The following PRORP variants were observed in gnomAD, a reference collection of about 807,000 sequenced individuals.
The protein encoded by PRORP is mitochondrial ribonuclease P catalytic subunit.
PRORP carries 51 observed loss-of-function variants against 59.4 expected under a neutral mutation model. That is an observed-to-expected ratio of 0.86 (90% confidence interval 0.69 to 1.08). The LOEUF (loss-of-function observed/expected upper bound fraction) is 1.08, where lower values mean the gene tolerates loss of function less well. Among genes scored for constraint, PRORP ranks in the 50% least tolerant of loss-of-function variants. The pLI, the probability that PRORP is intolerant of heterozygous loss-of-function variation, is 0.00. For missense variants in PRORP, 646 were observed against 690.3 expected (o/e 0.94, Z 0.72); for synonymous variants, 231 against 245.6 (o/e 0.94, Z 0.55).
rs942255341 is a variant in PRORP, at chr14:35,181,269, C to T, written c.1275+492C>T. On this transcript the variant is annotated intron_variant, in intron 5 of 7. Transcript: ENST00000534898. ...CATTTGTTAATTTATAAATGCCCTA[C>T]TAGTTTCTAATAAGACTATCATTTT... Among the ~76,000 whole-genome samples, 18 of 152,080 alleles carry T rather than the reference C, an allele frequency of 1.2e-4. 1 individual carries two copies. The highest frequency in any genetic ancestry group is 3.4e-3 in the Middle Eastern group (1 of 294).
intron 4 of PRORP, among the ~76,000 whole-genome samples, chr14:35,140,998 C>CA (rs2047468513): frequency 1.4e-5 from 2 of 145,750 alleles, no homozygotes; most frequent in African/African-American, 4.9e-5. Flanking sequence ...AAATATTAAA[C>CA]TGAAAGATAT....
At chr14:35,152,067 G>A (rs888147403) in intron 4 of PRORP, among the ~76,000 whole-genome samples, 8 of 152,096 alleles carry the variant, frequency 5.3e-5, no homozygotes, top group African/African-American at 1.9e-4. Context: ...TTCCTAGGCA[G>A]AGGACCCTGC....
chr14:35,258,246 C>T (rs1252013936), intron 5 of PRORP, among the ~76,000 whole-genome samples: 1 of 152,104 alleles, frequency 6.6e-6, no homozygotes, highest in Non-Finnish European at 1.5e-5. Flanking sequence ...CCCACCTCAG[C>T]CTCTCAAAGC....
intron 5 of PRORP, among the ~76,000 whole-genome samples, chr14:35,195,532 A>G (rs1239799429): frequency 1.3e-5 from 2 of 152,156 alleles, no homozygotes; most frequent in Admixed American, 1.3e-4. Flanking sequence ...CTTCCTTTAT[A>G]TAGTTATGTA....
At chr14:35,228,914 A>C (rs143906976) in intron 5 of PRORP, among the ~76,000 whole-genome samples, 18 of 152,320 alleles carry the variant, frequency 1.2e-4, no homozygotes, top group African/African-American at 3.8e-4. Flanking sequence ...TATTCCCACC[A>C]ACAGTGTATG....
chr14:35,247,232 T>C (rs1467901238), intron 5 of PRORP, among the ~76,000 whole-genome samples: 1 of 152,190 alleles, frequency 6.6e-6, no homozygotes, highest in Non-Finnish European at 1.5e-5. Flanking sequence ...TATTTATGTA[T>C]AAGTCCTTCC....
chr14:35,149,527 G>T (rs2047692999), intron 4 of PRORP, among the ~76,000 whole-genome samples: 1 of 152,078 alleles, frequency 6.6e-6, no homozygotes, highest in Non-Finnish European at 1.5e-5. Context: ...GCATTTTTAT[G>T]TTATGGGGAT....
intron 5 of PRORP, among the ~76,000 whole-genome samples, chr14:35,187,653 G>A (rs1218320352): frequency 1.3e-5 from 2 of 151,592 alleles, no homozygotes; most frequent in Non-Finnish European, 2.9e-5. Flanking sequence ...TGGTCTCAAA[G>A]TCCTGACCTC....
intron 5 of PRORP, among the ~76,000 whole-genome samples, chr14:35,251,914 G>A (rs1464790913): frequency 6.6e-6 from 1 of 152,104 alleles, no homozygotes; most frequent in Non-Finnish European, 1.5e-5. Context: ...GGATAGTGGA[G>A]GGGTCGGGGA....
intron 5 of PRORP, among the ~76,000 whole-genome samples, chr14:35,254,486 G>A (rs1442794706): frequency 6.6e-6 from 1 of 152,136 alleles, no homozygotes; most frequent in South Asian, 2.1e-4. Flanking sequence ...TCTGCCTCCC[G>A]AGTTCAAGCG....
intron 4 of PRORP, among the ~76,000 whole-genome samples, chr14:35,162,422 A>G (rs891903920): frequency 7.2e-5 from 11 of 152,128 alleles, no homozygotes; most frequent in African/African-American, 2.7e-4. Flanking sequence ...AAATTGCAGT[A>G]TAGGATTAAT....
rs1395962254 is a variant in PRORP at position 35,180,678 on chromosome 14, G to C, written c.1176G>C (p.Lys392Asn). ...TGACATTTCTTTATTAGGAACTTAAGAGATTTGAGAACTTCATAAAATCTC... is the reference window on the plus strand; with the variant it reads ...TGACATTTCTTTATTAGGAACTTAACAGATTTGAGAACTTCATAAAATCTC... The part of the protein sequence containing the change: ...QYRKTTPQEL[K>N]RFENFIKSRP... The change falls in exon 5 of 8, where the codon AAG becomes AAC. Residue 392 changes from lysine (K) to asparagine (N), a missense_variant. Transcript: ENST00000534898. The C allele has an allele frequency of 1.2e-6, 2 of 1,603,262 alleles. No individual in the cohort carries two copies.
At chr14:35,200,154 A>G (rs957346289) in intron 5 of PRORP, among the ~76,000 whole-genome samples, 1 of 152,118 alleles carries the variant, frequency 6.6e-6, no homozygotes, top group Non-Finnish European at 1.5e-5. Context: ...CAATTCCATG[A>G]TTGTGAAAAT....
chr14:35,271,439 G>A (rs910977046), intron 7 of PRORP, among the ~76,000 whole-genome samples: 2 of 152,100 alleles, frequency 1.3e-5, no homozygotes, highest in African/African-American at 4.8e-5. Context: ...TTACAGGCGT[G>A]AGCCACCATA....
chr14:35,273,577 C>T lies in PRORP; in HGVS notation c.*11C>T. ...CACCAAAAGACATAGAGATTCTTAC[C>T]TCTATGCTAAGTTTGTGTTTGGGTA... On this transcript the variant is annotated 3_prime_UTR_variant, in exon 8 of 8. Coordinates refer to ENST00000534898, the MANE Select transcript of PRORP (RefSeq NM_014672.4). The T allele has an allele frequency of 6.2e-7, 1 of 1,609,914 alleles. No homozygotes were observed. The highest frequency in any genetic ancestry group is 8.5e-7 in the Non-Finnish European group (1 of 1,178,236).
At chr14:35,251,263 C>T (rs962458657) in intron 5 of PRORP, among the ~76,000 whole-genome samples, 1 of 152,114 alleles carries the variant, frequency 6.6e-6, no homozygotes. Flanking sequence ...CTTTTATCCA[C>T]TTGTTGATTG....
chr14:35,186,744 A>G (rs1028823016), intron 5 of PRORP, among the ~76,000 whole-genome samples: 1 of 151,826 alleles, frequency 6.6e-6, no homozygotes, highest in African/African-American at 2.4e-5. Context: ...GGCACACACC[A>G]CCAGGCCCAG....
chr14:35,147,467 T>A (rs1478234897), intron 4 of PRORP, among the ~76,000 whole-genome samples: 2 of 152,178 alleles, frequency 1.3e-5, no homozygotes, highest in East Asian at 3.9e-4. Context: ...CTCAGCCTCC[T>A]GAGTAGCTAC....
chr14:35,180,051 T>C (rs1421496416), intron 4 of PRORP, among the ~76,000 whole-genome samples: 4 of 152,224 alleles, frequency 2.6e-5, no homozygotes, highest in Admixed American at 6.5e-5. Context: ...GAACAGCGAA[T>C]ATTGCTGAAC....
Sources: gnomAD v4.1 joint callset for allele counts (sites outside exome capture counted in the v4.1 genomes callset) on GRCh38, gnomAD v4.1.1 for gene constraint, MANE v1.5 for transcripts, NCBI Gene and HGNC (gene_info 2026-07-23, HGNC 2026-07-21) for gene names.